PCDHGA3: variants seen among roughly 807,000 people sequenced by gnomAD.
The protein encoded by PCDHGA3 is protocadherin gamma subfamily A, 3.
PCDHGA3 carries 40 observed loss-of-function variants against 58.5 expected under a neutral mutation model. The observed-to-expected ratio is 0.68, with a 90% CI of 0.53 to 0.89. The LOEUF is 0.89. PCDHGA3 is among the 40% of genes least tolerant of loss of function. The pLI is 0.00. For synonymous variants in PCDHGA3, 530 were observed against 525.7 expected (o/e 1.01, Z -0.11); for missense variants, 1,223 against 1,195.9 (o/e 1.02, Z -0.33).
intron 1 of PCDHGA3, chr5:141,394,779 G>A (rs1561651112): frequency 6.2e-7 from 1 of 1,613,590 alleles, no homozygotes; most frequent in Admixed American, 1.7e-5. Context: ...CCCTCTCTCC[G>A]CCACTGTCAC....
chr5:141,414,868 G>C, intron 1 of PCDHGA3: 1 of 1,614,216 alleles, frequency 6.2e-7, no homozygotes, highest in Non-Finnish European at 8.5e-7. Flanking sequence ...CAATGCGCCC[G>C]AGATCCTGTA....
At chr5:141,460,961 ATGTGTG>A (rs35821115) in intron 1 of PCDHGA3, among the ~76,000 whole-genome samples, 6 of 144,616 alleles carry the variant, frequency 4.1e-5, no homozygotes, top group South Asian at 4.4e-4. Flanking sequence ...GTATATATAT[ATGTGTG>A]TGTGTGTGTG....
chr5:141,375,166 T>A (rs1179986488), intron 1 of PCDHGA3: 2 of 1,613,966 alleles, frequency 1.2e-6, no homozygotes, highest in East Asian at 2.2e-5. Flanking sequence ...AAAGTGCACC[T>A]CCAGGAACAG....
chr5:141,390,665 T>C, intron 1 of PCDHGA3: 1 of 192,900 alleles, frequency 5.2e-6, no homozygotes, highest in Non-Finnish European at 1.1e-5. Context: ...ACCATAAATA[T>C]AAAAATAATA....
At chr5:141,392,806 A>C (rs2092599321) in intron 1 of PCDHGA3, 1 of 1,576,662 alleles carries the variant, frequency 6.3e-7, no homozygotes, top group Non-Finnish European at 8.6e-7. Flanking sequence ...TTCTGCAGCA[A>C]AACAACAATG....
rs115808055 is a variant in PCDHGA3 at position 141,476,782 on chromosome 5, A to G, written c.2425-18025A>G. Reference sequence around the variant, plus strand: ...TGACGGCGTTGGACGGAGGGACCCCAGCTCTCTCCGCCAGCCTGCCTATTC... The same window carrying G: ...TGACGGCGTTGGACGGAGGGACCCCGGCTCTCTCCGCCAGCCTGCCTATTC... On this transcript the variant is annotated intron_variant, in intron 1 of 3. Transcript: ENST00000253812. This position sits in a 1 kb window ranked among gnomAD's most constrained non-coding sequence, Gnocchi z 7.6. 18,517 of 1,613,566 alleles carry G rather than the reference A, an allele frequency of 0.011. 139 individuals are homozygous for G. Among genetic ancestry groups the G allele is most frequent in the Non-Finnish European group, 0.014 (16,976 of 1,179,996 alleles).
intron 1 of PCDHGA3, chr5:141,412,854 A>T (rs1356959630): frequency 4.5e-6 from 1 of 223,412 alleles, no homozygotes; most frequent in African/African-American, 2.3e-5. Context: ...GAGAAACCAA[A>T]GAATCTATGT....
At chr5:141,446,295 G>A (rs146503397) in intron 1 of PCDHGA3, among the ~76,000 whole-genome samples, 1 of 152,196 alleles carries the variant, frequency 6.6e-6, no homozygotes, top group Non-Finnish European at 1.5e-5. Flanking sequence ...TGGGGAGCAG[G>A]GATTAAGAGT....
chr5:141,482,661 T>G (rs1215403061), intron 1 of PCDHGA3, among the ~76,000 whole-genome samples: 1 of 151,742 alleles, frequency 6.6e-6, no homozygotes, highest in Non-Finnish European at 1.5e-5. Flanking sequence ...TGAGCTATGA[T>G]CTAAAGGTTG....
chr5:141,480,651 C>T (rs780138971), intron 1 of PCDHGA3, among the ~76,000 whole-genome samples: 1 of 152,174 alleles, frequency 6.6e-6, no homozygotes, highest in African/African-American at 2.4e-5. Flanking sequence ...CTTGGTTGCA[C>T]ATTAAAATCA....
intron 1 of PCDHGA3, among the ~76,000 whole-genome samples, chr5:141,387,190 T>C (rs2090856336): frequency 1.3e-5 from 2 of 152,124 alleles, no homozygotes; most frequent in African/African-American, 2.4e-5. Context: ...AAAAGGCAAT[T>C]TTGGTATTAC....
At chr5:141,418,572 A>G (rs777784393) in intron 1 of PCDHGA3, 5 of 1,613,794 alleles carry the variant, frequency 3.1e-6, no homozygotes, top group Non-Finnish European at 4.2e-6. Flanking sequence ...GCCAATGACA[A>G]CCCCCCAGTG....
rs962326553 is a variant in PCDHGA3 at position 141,387,971 on chromosome 5, C to T, written c.2424+41514C>T. 1.0e-5 allele frequency: 15 copies of T among 1,489,894 alleles called. 1 individual carries two copies. Among genetic ancestry groups the T allele is most frequent in the Non-Finnish European group, 1.3e-5 (14 of 1,108,812 alleles). The allele number at this position is 1,489,894 out of a possible 1,614,324, so 92.3% of individuals were successfully genotyped here. ...TGCTGTCTTTGTTCTGCCCGGCGCT[C>T]TGTGAGCAGATCCGCTACAGGATTC... On this transcript the variant is annotated intron_variant, in intron 1 of 3. Transcript: ENST00000253812.
chr5:141,487,429 C>A lies in PCDHGA3; in HGVS notation c.2425-7378C>A. 1 of 1,614,162 alleles carries A rather than the reference C, an allele frequency of 6.2e-7. No individual in the cohort carries two copies. Among genetic ancestry groups the A allele is most frequent in the Non-Finnish European group, 8.5e-7 (1 of 1,180,018 alleles). On this transcript the variant is annotated intron_variant, in intron 1 of 3. Transcript: ENST00000253812. The surrounding 1 kb of genome is among the most constrained non-coding windows in gnomAD (Gnocchi z 5.0). ...CCCCTTCCAATGGGATCCTCCGAAT[C>A]CAGCTAGGGTCAGATGACCCTATCA...
chr5:141,394,644 G>A, intron 1 of PCDHGA3: 2 of 1,613,358 alleles, frequency 1.2e-6, no homozygotes, highest in Non-Finnish European at 1.7e-6. Flanking sequence ...CCTGCTCAAG[G>A]CCAGCGAGCC....
At position 141,362,424 on chromosome 5, in the gene PCDHGA3, AG is replaced by A. The variant is rs764699522; in HGVS notation, c.2424+15968del. On this transcript the variant is annotated intron_variant, in intron 1 of 3. Coordinates refer to ENST00000253812, the MANE Select transcript of PCDHGA3 (RefSeq NM_018916.4). ...GTGTTGCCTCACAATCAGCCAAGAC[AG>A]AGTTCAATTTTCTGAACATAACCCC... 14 of 1,613,916 alleles carry A rather than the reference AG, an allele frequency of 8.7e-6. No homozygotes were observed. The African/African-American group carries it at 1.7e-4, about 20-fold the overall frequency.
chr5:141,404,648 G>C (rs1178706213), intron 1 of PCDHGA3: 1 of 1,614,148 alleles, frequency 6.2e-7, no homozygotes, highest in African/African-American at 1.3e-5. Flanking sequence ...CCTGTACCCT[G>C]CCCTCCCCAC....
rs1395556571 is a variant in PCDHGA3 at position 141,432,581 on chromosome 5, C to CT, written c.2425-62225dup. ...CCAGAACGCCTGGCTGTCCTACCGT[C>CT]TGCTCAAGGCCAGCGAGCCGGGACT... On this transcript the variant is annotated intron_variant, in intron 1 of 3. Coordinates refer to ENST00000253812, the MANE Select transcript of PCDHGA3 (RefSeq NM_018916.4). This position sits in a 1 kb window ranked among gnomAD's most constrained non-coding sequence, Gnocchi z 6.0. 6.2e-7 allele frequency: 1 copy of CT among 1,613,930 alleles called. No homozygotes were observed.
chr5:141,343,840 G>A lies in PCDHGA3; in HGVS notation c.-194G>A, dbSNP rs1040013193. 15 of 507,432 alleles carry A rather than the reference G, an allele frequency of 3.0e-5. No homozygotes were observed. The highest frequency in any genetic ancestry group is 2.6e-4 in the African/African-American group (13 of 50,726). 31.4% of individuals were successfully genotyped at this position (507,432 alleles called of 1,614,324 possible). On this transcript the variant is annotated 5_prime_UTR_variant, in exon 1 of 4. Transcript: ENST00000253812. ...TGGAGAACTAGTCCACCATTTCCTT[G>A]CTCCTAAAATGCAAAGAACCAGCAA...
Sources: gnomAD v4.1 joint callset for allele counts (sites outside exome capture counted in the v4.1 genomes callset) on GRCh38, gnomAD v4.1.1 for gene constraint, Gnocchi (gnomAD v3.1) non-coding constraint, MANE v1.5 for transcripts, NCBI Gene and HGNC (gene_info 2026-07-23, HGNC 2026-07-21) for gene names.